The following CDK8 variants were observed in gnomAD, a reference collection of about 807,000 sequenced individuals.
The protein encoded by CDK8 is cyclin-dependent kinase 8.
A neutral mutation model predicts 71.5 loss-of-function variants in CDK8; 29 were observed. The observed-to-expected ratio is 0.41, with a 90% CI of 0.30 to 0.55. The LOEUF is 0.55. Ranked by LOEUF, CDK8 falls within the 20% of genes least tolerant of loss-of-function variation. CDK8 has a pLI of 0.37. For missense variants in CDK8, 288 were observed against 572.6 expected (o/e 0.50, Z 5.07); for synonymous variants, 161 against 192.1 (o/e 0.84, Z 1.34).
rs1226077685 is a variant in CDK8, at chr13:26,385,922, A to G, written c.646+580A>G. 4.6e-5 allele frequency among the ~76,000 whole-genome samples: 7 copies of G among 152,150 alleles called. 1 individual carries two copies. On this transcript the variant is annotated intron_variant, in intron 6 of 12. Transcript: ENST00000381527. ...GCATTCTATTTAAAATTTTATATTT[A>G]ATTTATAAAACTACAATTTTGAAGT...
intron 1 of CDK8, among the ~76,000 whole-genome samples, chr13:26,300,801 A>T (rs919987742): frequency 1.3e-5 from 2 of 152,224 alleles, no homozygotes; most frequent in South Asian, 2.1e-4. Flanking sequence ...ACAGGTATTG[A>T]TTATCCCGCT....
chr13:26,298,787 C>A (rs1873682186), intron 1 of CDK8, among the ~76,000 whole-genome samples: 1 of 152,130 alleles, frequency 6.6e-6, no homozygotes, highest in African/African-American at 2.4e-5. Context: ...ACCACGGCAC[C>A]CTTGGCAATT....
chr13:26,310,403 G>A (rs1223434578), intron 1 of CDK8, among the ~76,000 whole-genome samples: 3 of 152,130 alleles, frequency 2.0e-5, no homozygotes, highest in Non-Finnish European at 4.4e-5. Flanking sequence ...GGGGGCGAGG[G>A]GTGGTTTTGG....
intron 1 of CDK8, among the ~76,000 whole-genome samples, chr13:26,299,447 T>C (rs1192995002): frequency 6.6e-6 from 1 of 152,192 alleles, no homozygotes; most frequent in Non-Finnish European, 1.5e-5. Flanking sequence ...AAACCTGTAC[T>C]GTGTACATGG....
chr13:26,386,145 CT>C (rs1875465630), intron 6 of CDK8, among the ~76,000 whole-genome samples: 1 of 152,186 alleles, frequency 6.6e-6, no homozygotes, highest in South Asian at 2.1e-4. Flanking sequence ...ACTTCTTCCC[CT>C]ACCAACCTCT....
At chr13:26,269,547 T>A (rs1593228098) in intron 1 of CDK8, among the ~76,000 whole-genome samples, 1 of 150,646 alleles carries the variant, frequency 6.6e-6, no homozygotes, top group East Asian at 1.9e-4. Context: ...CTCTTTAGAT[T>A]GTTTTTTTTT....
rs192133452 is a variant in CDK8 at position 26,350,829 on chromosome 13, G to A, written c.315+1647G>A. Reference sequence around the variant, plus strand: ...TTAATTTTATCTTGTCTGAGTAGCTGAAATACAAACACCAGCCTCAGTATT... The same window carrying A: ...TTAATTTTATCTTGTCTGAGTAGCTAAAATACAAACACCAGCCTCAGTATT... On this transcript the variant is annotated intron_variant, in intron 3 of 12. Transcript: ENST00000381527. 7.4e-3 allele frequency among the ~76,000 whole-genome samples: 1,122 copies of A among 152,224 alleles called. 12 individuals carry two copies. Among genetic ancestry groups the A allele is most frequent in the South Asian group, 0.031 (149 of 4,810 alleles).
At chr13:26,263,366 G>A (rs9512168) in intron 1 of CDK8, among the ~76,000 whole-genome samples, 25,838 of 151,968 alleles carry the variant, frequency 0.17, 3,861 homozygotes, top group African/African-American at 0.41. Flanking sequence ...CGATCTCCTG[G>A]CCTCGTGATC....
intron 1 of CDK8, among the ~76,000 whole-genome samples, chr13:26,270,061 A>G (rs1872228569): frequency 6.6e-6 from 1 of 151,982 alleles, no homozygotes; most frequent in African/African-American, 2.4e-5. Flanking sequence ...CTTTTTTGAG[A>G]TATAATTCAT....
intron 1 of CDK8, among the ~76,000 whole-genome samples, chr13:26,320,325 C>T (rs949663442): frequency 4.6e-5 from 7 of 151,862 alleles, no homozygotes; most frequent in East Asian, 3.9e-4. Context: ...TCGGGAGGAT[C>T]GCTTGAGCAC....
intron 1 of CDK8, among the ~76,000 whole-genome samples, chr13:26,281,507 C>T (rs983159480): frequency 9.3e-6 from 1 of 107,230 alleles, no homozygotes; most frequent in African/African-American, 7.0e-5. Flanking sequence ...CAGATTTTTC[C>T]ACTGAAATAG....
In CDK8 at chr13:26,401,607, A is replaced by G. The variant is rs1241163459; in HGVS notation, c.1252A>G (p.Met418Val). Reference protein sequence around the residue: ...PPTTTSGGLIMTSDYQRSNPH... With the variant: ...PPTTTSGGLIVTSDYQRSNPH... ...TACCACTACCTCAGGTGGACTTATC[A>G]TGACCTCAGACTATCAGGTATTCCA... Residue 418 changes from methionine to valine, a missense_variant, in exon 12 of 13, where the codon ATG becomes GTG. Met to Val is a conservative substitution (Grantham distance 21). This residue lies in a region of CDK8 where 76 missense variants were observed against 99.7 expected (regional missense o/e 0.76). Transcript: ENST00000381527. The surrounding 1 kb of genome is among the most constrained non-coding windows in gnomAD (Gnocchi z 4.5). 5.6e-6 allele frequency: 9 copies of G among 1,614,072 alleles called. No homozygotes were observed. The highest frequency in any genetic ancestry group is 5.0e-5 in the Admixed American group (3 of 60,008).
intron 1 of CDK8, among the ~76,000 whole-genome samples, chr13:26,323,961 C>T (rs1428959889): frequency 1.3e-5 from 2 of 152,078 alleles, no homozygotes; most frequent in Non-Finnish European, 2.9e-5. Context: ...AATCACTATG[C>T]CAGACTGGTC....
chr13:26,284,235 C>T (rs1193069095), intron 1 of CDK8, among the ~76,000 whole-genome samples: 2 of 151,888 alleles, frequency 1.3e-5, no homozygotes, highest in Admixed American at 6.6e-5. Context: ...ACTAAAGAAA[C>T]GAAGAACAAA....
intron 1 of CDK8, among the ~76,000 whole-genome samples, chr13:26,257,254 T>A (rs1396528595): frequency 3.9e-5 from 6 of 152,186 alleles, no homozygotes; most frequent in African/African-American, 9.6e-5. Context: ...TTAGACATAT[T>A]TGACTATTGA....
chr13:26,373,416 C>G (rs187170517), intron 4 of CDK8, among the ~76,000 whole-genome samples: 4 of 151,912 alleles, frequency 2.6e-5, no homozygotes, highest in Non-Finnish European at 5.9e-5. Context: ...ATAATTACAG[C>G]CTTTCTAGAA....
intron 4 of CDK8, among the ~76,000 whole-genome samples, chr13:26,378,648 A>C (rs1875069930): frequency 6.6e-6 from 1 of 152,246 alleles, no homozygotes; most frequent in Admixed American, 6.5e-5. Context: ...CCATGGCAAC[A>C]AATACAGTTT....
intron 1 of CDK8, among the ~76,000 whole-genome samples, chr13:26,315,426 T>C (rs536195695): frequency 5.9e-5 from 9 of 152,216 alleles, no homozygotes; most frequent in Middle Eastern, 3.4e-3. Context: ...GATCAATCAG[T>C]GTGTGTGTGA....
At chr13:26,368,505 G>A (rs1874499142) in intron 4 of CDK8, among the ~76,000 whole-genome samples, 1 of 152,106 alleles carries the variant, frequency 6.6e-6, no homozygotes, top group African/African-American at 2.4e-5. Flanking sequence ...AAAACATGCT[G>A]CCAATTTACT....
Sources: allele counts gnomAD v4.1 joint callset (sites outside exome capture counted in the v4.1 genomes callset), GRCh38; gene constraint gnomAD v4.1.1; regional missense constraint gnomAD v4.1.1; non-coding constraint Gnocchi (gnomAD v3.1); transcripts MANE v1.5; gene names NCBI Gene and HGNC (gene_info 2026-07-23, HGNC 2026-07-21).